The following C10orf67 variants were observed in gnomAD, a reference collection of about 807,000 sequenced individuals.
C10orf67 encodes the protein chromosome 10 open reading frame 67.
A neutral mutation model predicts 35.6 loss-of-function variants in C10orf67; 60 were observed. The ratio of observed to expected loss-of-function variants is 1.68; its 90% CI spans 1.37 to 2.09. The LOEUF (loss-of-function observed/expected upper bound fraction) is 2.09. Among genes scored for constraint, C10orf67 ranks in the 30% most tolerant of loss-of-function variants. The pLI, the probability that C10orf67 is intolerant of heterozygous loss-of-function variation, is 0.00. For synonymous variants in C10orf67, 167 were observed against 115.8 expected, an observed-to-expected ratio of 1.44 and a Z score of -2.84; for missense variants, 474 against 330.2, an observed-to-expected ratio of 1.44 and a Z score of -3.38.
intron 7 of C10orf67, among the ~76,000 whole-genome samples, chr10:23,284,513 T>C (rs907276521): frequency 1.3e-4 from 19 of 146,344 alleles, no homozygotes; most frequent in African/African-American, 4.6e-4. Context: ...TGAGAGACCA[T>C]CTCCACAAAA....
At chr10:23,242,992 C>T (rs1842222308) in intron 12 of C10orf67, among the ~76,000 whole-genome samples, 1 of 151,962 alleles carries the variant, frequency 6.6e-6, no homozygotes, top group South Asian at 2.1e-4. Context: ...ACAAGAAACA[C>T]ATTCAAATAT....
rs1449948820 is a variant in C10orf67, at chr10:23,223,742, A to C, written c.1509+2T>G. 1 of 716,192 alleles carries C rather than the reference A, an allele frequency of 1.4e-6. No individual in the cohort carries two copies. The highest frequency in any genetic ancestry group is 1.5e-5 in the South Asian group (1 of 67,470). 44.4% of individuals were successfully genotyped at this position (716,192 alleles called of 1,614,324 possible). On this transcript the variant is annotated splice_donor_variant, in intron 14 of 15. Coordinates refer to ENST00000636213, the MANE Select transcript of C10orf67 (RefSeq NM_001371909.1). LOFTEE classifies it high-confidence loss of function. ...TTTAATAAAGAAAAATAAGCTACTTACTGAAGATGTACAATGACTTGAAGA... is the reference window on the plus strand; with the variant it reads ...TTTAATAAAGAAAAATAAGCTACTTCCTGAAGATGTACAATGACTTGAAGA...
chr10:23,269,061 AC>A, intron 8 of C10orf67, among the ~76,000 whole-genome samples: 1 of 152,304 alleles, frequency 6.6e-6, no homozygotes, highest in East Asian at 1.9e-4. Context: ...TCTTCATACT[AC>A]TATAAGAAAT....
At chr10:23,294,913 G>T (rs1564494732) in intron 5 of C10orf67, among the ~76,000 whole-genome samples, 2 of 152,124 alleles carry the variant, frequency 1.3e-5, no homozygotes, top group Non-Finnish European at 2.9e-5. Flanking sequence ...AGGAAAGTTT[G>T]TTCTTAGAGA....
intron 10 of C10orf67, among the ~76,000 whole-genome samples, chr10:23,251,995 C>A (rs2132161175): frequency 6.6e-6 from 1 of 152,106 alleles, no homozygotes; most frequent in East Asian, 1.9e-4. Context: ...CAATGGCAGC[C>A]CATTGAAAAC....
chr10:23,316,322 G>T (rs1487723008), intron 4 of C10orf67, among the ~76,000 whole-genome samples: 1 of 152,210 alleles, frequency 6.6e-6, no homozygotes, highest in Non-Finnish European at 1.5e-5. Context: ...CTGGCATAGG[G>T]GAACACAGTG....
intron 8 of C10orf67, among the ~76,000 whole-genome samples, chr10:23,268,811 TC>T (rs1432052951): frequency 2.0e-5 from 3 of 152,232 alleles, no homozygotes; most frequent in Admixed American, 6.5e-5. Context: ...AGCCTATTGT[TC>T]CTAGGCCACA....
chr10:23,272,534 C>G (rs532138814), intron 8 of C10orf67, among the ~76,000 whole-genome samples: 1 of 152,350 alleles, frequency 6.6e-6, no homozygotes, highest in African/African-American at 2.4e-5. Context: ...ATTCTCTAGT[C>G]TATTCCAGCA....
At chr10:23,236,105 C>T (rs1425666623) in intron 13 of C10orf67, among the ~76,000 whole-genome samples, 26 of 152,008 alleles carry the variant, frequency 1.7e-4, no homozygotes, top group Admixed American at 1.1e-3. Context: ...AAAAATTAGC[C>T]GGGCTTGGTG....
intron 7 of C10orf67, among the ~76,000 whole-genome samples, chr10:23,282,451 A>G (rs913706583): frequency 1.3e-5 from 2 of 152,196 alleles, no homozygotes; most frequent in Non-Finnish European, 1.5e-5. Context: ...ATTTATGCCA[A>G]TTGAAAATAG....
intron 4 of C10orf67, among the ~76,000 whole-genome samples, chr10:23,309,311 T>A (rs1844407424): frequency 6.6e-6 from 1 of 152,174 alleles, no homozygotes; most frequent in South Asian, 2.1e-4. Context: ...TACCACATGT[T>A]CTCACTTCTA....
At chr10:23,268,873 A>G (rs375509976) in intron 8 of C10orf67, among the ~76,000 whole-genome samples, 1 of 152,214 alleles carries the variant, frequency 6.6e-6, no homozygotes, top group African/African-American at 2.4e-5. Flanking sequence ...CTATAACACA[A>G]TGATATGTAT....
At chr10:23,244,905 AG>A (rs1842281121) in intron 12 of C10orf67, among the ~76,000 whole-genome samples, 1 of 152,212 alleles carries the variant, frequency 6.6e-6, no homozygotes, top group East Asian at 1.9e-4. Flanking sequence ...AGCACTTTTG[AG>A]AAAAAGGAAC....
intron 8 of C10orf67, among the ~76,000 whole-genome samples, chr10:23,275,676 C>A (rs1053270136): frequency 6.6e-6 from 1 of 152,108 alleles, no homozygotes; most frequent in Non-Finnish European, 1.5e-5. Context: ...TGAGTAAATC[C>A]CCTCAGGACA....
chr10:23,236,282 A>AAAAAAAC (rs1842050441), intron 13 of C10orf67, among the ~76,000 whole-genome samples: 1 of 127,372 alleles, frequency 7.9e-6, no homozygotes, highest in African/African-American at 2.8e-5. Flanking sequence ...AAAAAAAAAA[A>AAAAAAAC]ATTAGCCAGG....
At chr10:23,250,923 C>A (rs1842436446) in intron 10 of C10orf67, among the ~76,000 whole-genome samples, 1 of 151,988 alleles carries the variant, frequency 6.6e-6, no homozygotes. Flanking sequence ...TATAGTGGGA[C>A]CTTGTCTCTA....
At chr10:23,214,883 C>T (rs1448958643) in intron 15 of C10orf67, among the ~76,000 whole-genome samples, 1 of 151,972 alleles carries the variant, frequency 6.6e-6, no homozygotes, top group Non-Finnish European at 1.5e-5. Context: ...ATTAGCTGGG[C>T]ATGGTGGCAC....
chr10:23,320,903 CATCATCTGA>C, intron 3 of C10orf67, 88 bp from the exon 4 acceptor site: 2 of 845,396 alleles, frequency 2.4e-6, no homozygotes, highest in Admixed American at 4.8e-5. Flanking sequence ...AGTAAAAAAA[CATCATCTGA>C]ATCATCACAA....
intron 2 of C10orf67, among the ~76,000 whole-genome samples, chr10:23,332,398 C>A (rs1478990241): frequency 6.6e-6 from 1 of 152,054 alleles, no homozygotes; most frequent in Non-Finnish European, 1.5e-5. Context: ...CAAAAAAGAT[C>A]CAGGCCAGGC....
Sources: gnomAD v4.1 joint callset for allele counts (sites outside exome capture counted in the v4.1 genomes callset) on GRCh38, gnomAD v4.1.1 for gene constraint, MANE v1.5 for transcripts, NCBI Gene and HGNC (gene_info 2026-07-23, HGNC 2026-07-21) for gene names.